Variants in WDFY3 observed in about 807,000 individuals in gnomAD.
WDFY3 encodes WD repeat and FYVE domain containing 3, also known as WD repeat and FYVE domain-containing protein 3.
In WDFY3, 66 loss-of-function variants were observed where a neutral mutation model predicts 409.6. The observed-to-expected ratio is 0.16, with a 90% confidence interval of 0.13 to 0.20. WDFY3 has a LOEUF of 0.20. WDFY3 is among the 10% of genes least tolerant of loss of function. The pLI, the probability that WDFY3 is intolerant of heterozygous loss-of-function variation, is 1.00. For synonymous variants in WDFY3, 1,521 were observed against 1,537.1 expected (o/e 0.99, Z 0.25); for missense variants, 3,031 against 4,298.1 (o/e 0.71, Z 8.24).
rs1325699203 is a variant in WDFY3 at position 84,737,169 on chromosome 4, C to A, written c.6757+15G>T. 1 of 1,613,272 alleles carries A rather than the reference C, an allele frequency of 6.2e-7. No individual in the cohort carries two copies. Among genetic ancestry groups the A allele is most frequent in the South Asian group, 1.1e-5 (1 of 90,994 alleles). ...CATGTAAATCTCCTGGTGGTATGAT[C>A]TCTGTAGGCCTTACCCAAATGATTC... On this transcript the variant is annotated intron_variant, in intron 41 of 67. Coordinates refer to ENST00000295888, the MANE Select transcript of WDFY3 (RefSeq NM_014991.6).
intron 45 of WDFY3, 150 bp downstream of exon 45, chr4:84,726,711 C>CG (rs1553928710): frequency 1.6e-6 from 1 of 607,874 alleles, no homozygotes; most frequent in Non-Finnish European, 2.7e-6. Context: ...ATGAAACCAA[C>CG]GGTTCAACTC....
intron 46 of WDFY3, 134 bp downstream of exon 46, chr4:84,724,292 G>C (rs1024084217): frequency 1.0e-6 from 1 of 966,114 alleles, no homozygotes; most frequent in African/African-American, 1.7e-5. Context: ...CTTTAAGAAG[G>C]GTGAGATGGT....
At chr4:84,710,735 G>A (rs1732744736) in intron 51 of WDFY3, among the ~76,000 whole-genome samples, 1 of 152,162 alleles carries the variant, frequency 6.6e-6, no homozygotes, top group African/African-American at 2.4e-5. Context: ...AGTTCTTTAA[G>A]AACTGCCAAC....
intron 55 of WDFY3, 47 bp downstream of exon 55, chr4:84,704,291 G>T: frequency 1.5e-6 from 2 of 1,348,798 alleles, no homozygotes; most frequent in East Asian, 2.4e-5. Context: ...ATTTTAGATA[G>T]AAGTAGGCTT....
chr4:84,709,517 T>G (rs1732533820), intron 51 of WDFY3, among the ~76,000 whole-genome samples, 170 bp from the exon 52 acceptor site: 1 of 152,206 alleles, frequency 6.6e-6, no homozygotes, highest in Non-Finnish European at 1.5e-5. Flanking sequence ...TTTTGAAATA[T>G]GAAGTAACAT....
chr4:84,838,602 G>T (rs1756912010), intron 6 of WDFY3, among the ~76,000 whole-genome samples: 1 of 152,070 alleles, frequency 6.6e-6, no homozygotes, highest in Non-Finnish European at 1.5e-5. Flanking sequence ...GCAATAGTAG[G>T]GTGATGAAGA....
At chr4:84,719,313 G>A (rs1379454855) in intron 47 of WDFY3, among the ~76,000 whole-genome samples, 1 of 152,156 alleles carries the variant, frequency 6.6e-6, no homozygotes. Context: ...TTTCCTCATA[G>A]GAAGGAGCAT....
intron 32 of WDFY3, among the ~76,000 whole-genome samples, chr4:84,758,769 C>T (rs941716867): frequency 6.6e-6 from 1 of 152,096 alleles, no homozygotes. Flanking sequence ...CCATATCATT[C>T]CTTAATCACA....
At chr4:84,919,895 T>C (rs1161665906) in intron 2 of WDFY3, among the ~76,000 whole-genome samples, 2 of 152,078 alleles carry the variant, frequency 1.3e-5, no homozygotes, top group South Asian at 2.1e-4. Flanking sequence ...GACAATGAAA[T>C]GGTCAAAATT....
chr4:84,829,381 T>G (rs969504041), intron 8 of WDFY3, among the ~76,000 whole-genome samples, 191 bp from the exon 9 acceptor site: 1 of 152,168 alleles, frequency 6.6e-6, no homozygotes, highest in African/African-American at 2.4e-5. Flanking sequence ...CTCTAGGTAG[T>G]AAACAAAGGA....
At position 84,829,199 on chromosome 4, in the gene WDFY3, A is replaced by G. The variant is rs1755299870; in HGVS notation, c.770-9T>C. 6.5e-7 allele frequency: 1 copy of G among 1,527,176 alleles called. No homozygotes were observed. The highest frequency in any genetic ancestry group is 1.3e-5 in the South Asian group (1 of 77,586). The allele number at this position is 1,527,176 out of a possible 1,614,324, so 94.6% of individuals were successfully genotyped here. On this transcript the variant is annotated splice_polypyrimidine_tract_variant and intron_variant, in intron 8 of 67. Coordinates refer to ENST00000295888, the MANE Select transcript of WDFY3 (RefSeq NM_014991.6). ...AGATAAACACTCTTTCTCTGTAAGA[A>G]TAGATAATTAAATAAATATGCATTA...
chr4:84,964,138 C>T (rs1775299789), intron 1 of WDFY3, among the ~76,000 whole-genome samples: 1 of 152,108 alleles, frequency 6.6e-6, no homozygotes, highest in Admixed American at 6.5e-5. Context: ...CATATGATTT[C>T]TGGGAAGCCA....
At position 84,756,945 on chromosome 4, in the gene WDFY3, C is replaced by T. The variant is rs767034726; in HGVS notation, c.5405G>A (p.Arg1802Gln). The change falls in exon 33 of 68, where the codon CGG becomes CAG. Residue 1802 changes from arginine (R) to glutamine (Q), a missense_variant. Coordinates refer to ENST00000295888, the MANE Select transcript of WDFY3 (RefSeq NM_014991.6). ...TCCTACCTGGCAACCCTGCTTACTC[C>T]GGCAGCTGATGACAGGCACACTGAC... is the stretch of plus-strand genomic sequence containing the variant. ...LQVSVPVISC[R>Q]SKQGCQFDLD... The T allele has an allele frequency of 9.3e-6, 15 of 1,613,916 alleles. No homozygotes were observed. Among genetic ancestry groups the T allele is most frequent in the South Asian group, 2.2e-5 (2 of 91,062 alleles).
intron 4 of WDFY3, among the ~76,000 whole-genome samples, chr4:84,854,789 G>C (rs1021991628): frequency 6.6e-6 from 1 of 152,162 alleles, no homozygotes; most frequent in African/African-American, 2.4e-5. Flanking sequence ...CATGCCTATA[G>C]TCCCAGCCAC....
rs547482567 is a variant in WDFY3, at chr4:84,876,562, T to C, written c.-31-15940A>G. On this transcript the variant is annotated intron_variant, in intron 3 of 67. Transcript: ENST00000295888. Reference sequence around the variant, plus strand: ...TATTATTACTGTTATTCTACCGTAATGTACATTTACCAGTAAATGGTTATT... The same window carrying C: ...TATTATTACTGTTATTCTACCGTAACGTACATTTACCAGTAAATGGTTATT... Among the ~76,000 whole-genome samples, 3 of 152,314 alleles carry C rather than the reference T, an allele frequency of 2.0e-5. No homozygotes were observed. The East Asian group carries it at 5.8e-4, about 29-fold the overall frequency.
chr4:84,673,112 G>A, intron 67 of WDFY3, 121 bp from the exon 68 acceptor site: 3 of 1,310,372 alleles, frequency 2.3e-6, no homozygotes, highest in Non-Finnish European at 3.1e-6. Flanking sequence ...ACTGGTTTGT[G>A]TTGTGTGGCT....
intron 45 of WDFY3, among the ~76,000 whole-genome samples, chr4:84,725,640 CT>C (rs1735529702): frequency 6.6e-6 from 1 of 152,108 alleles, no homozygotes; most frequent in Non-Finnish European, 1.5e-5. Flanking sequence ...CCTTCCCCTT[CT>C]AAATATGACT....
intron 2 of WDFY3, among the ~76,000 whole-genome samples, chr4:84,927,206 TAAG>T (rs979972101): frequency 6.6e-6 from 1 of 152,206 alleles, no homozygotes; most frequent in African/African-American, 2.4e-5. Context: ...ATCATATGCT[TAAG>T]AAGTCATGCT....
rs1040480919 is a variant in WDFY3, at chr4:84,932,307, A to G, written c.-169T>C. 1 of 152,180 alleles carries G rather than the reference A, an allele frequency of 6.6e-6. No individual in the cohort carries two copies. The highest frequency in any genetic ancestry group is 1.5e-5 in the Non-Finnish European group (1 of 68,044). The allele number at this position is 152,180 out of a possible 1,614,324, so 9.4% of individuals were successfully genotyped here. On this transcript the variant is annotated 5_prime_UTR_variant, in exon 2 of 68. Transcript: ENST00000295888. The stretch of plus-strand genomic sequence containing the variant: ...TCTGGGCTGGCATGAACCTGCTTAG[A>G]AATGATAAGAATGGCAGGCACTTTC...
Sources: allele counts gnomAD v4.1 joint callset (sites outside exome capture counted in the v4.1 genomes callset), GRCh38; gene constraint gnomAD v4.1.1; transcripts MANE v1.5; gene names NCBI Gene and HGNC (gene_info 2026-07-23, HGNC 2026-07-21).